FNDC3B: variants seen among roughly 807,000 people sequenced by gnomAD.
FNDC3B encodes the protein fibronectin type III domain-containing protein 3B.
Under a neutral mutation model 151.5 loss-of-function variants are expected in FNDC3B, and 12 were observed. The observed-to-expected ratio is 0.08, with a 90% confidence interval of 0.05 to 0.13. The LOEUF (loss-of-function observed/expected upper bound fraction) is 0.13. FNDC3B is among the 10% of genes least tolerant of loss of function. FNDC3B has a pLI of 1.00. For synonymous variants in FNDC3B, 528 were observed against 549.0 expected, an observed-to-expected ratio of 0.96 and a Z score of 0.54; for missense variants, 1,214 against 1,505.3, an observed-to-expected ratio of 0.81 and a Z score of 3.20.
intron 3 of FNDC3B, among the ~76,000 whole-genome samples, chr3:172,183,068 G>T (rs187421373): frequency 1.3e-5 from 2 of 152,290 alleles, no homozygotes; most frequent in East Asian, 1.9e-4. Context: ...GAAATAAGGA[G>T]CCCCTGGGCA....
intron 3 of FNDC3B, among the ~76,000 whole-genome samples, chr3:172,225,045 C>A (rs1726479526): frequency 6.6e-6 from 1 of 152,244 alleles, no homozygotes; most frequent in South Asian, 2.1e-4. Context: ...TAACTCAAAA[C>A]TATGTCTTGG....
intron 19 of FNDC3B, chr3:172,345,754 A>G (rs1365203812): frequency 1.3e-5 from 2 of 152,224 alleles, no homozygotes; most frequent in Admixed American, 6.5e-5. Context: ...GTCTCTAGCA[A>G]TTCCTGGCTC....
chr3:172,131,962 G>A (rs1721128213), intron 2 of FNDC3B, among the ~76,000 whole-genome samples: 1 of 152,184 alleles, frequency 6.6e-6, no homozygotes, highest in Non-Finnish European at 1.5e-5. Flanking sequence ...CATGGGGCTA[G>A]ATAGCTGGAT....
chr3:172,210,395 G>C (rs980223672), intron 3 of FNDC3B, among the ~76,000 whole-genome samples: 1 of 152,038 alleles, frequency 6.6e-6, no homozygotes, highest in African/African-American at 2.4e-5. Flanking sequence ...TTTCACTCAG[G>C]TTGGGGTGCA....
intron 3 of FNDC3B, among the ~76,000 whole-genome samples, chr3:172,179,772 A>ACTTGGGAT (rs1723787648): frequency 6.7e-6 from 1 of 149,846 alleles, no homozygotes; most frequent in African/African-American, 2.5e-5. Flanking sequence ...AGACTGAGCT[A>ACTTGGGAT]CTTGGGATGC....
intron 1 of FNDC3B, among the ~76,000 whole-genome samples, chr3:172,064,977 G>T (rs910101755): frequency 6.6e-6 from 1 of 152,266 alleles, no homozygotes; most frequent in Middle Eastern, 3.4e-3. Context: ...CTGTATATAT[G>T]TGACCCCATG....
At chr3:172,144,019 A>G (rs1012092344) in intron 3 of FNDC3B, among the ~76,000 whole-genome samples, 3 of 152,182 alleles carry the variant, frequency 2.0e-5, no homozygotes, top group Non-Finnish European at 2.9e-5. Flanking sequence ...GAGACTGTGT[A>G]GCTTATAAGG....
rs144702661 is a variant in FNDC3B at position 172,169,978 on chromosome 3, C to T, written c.187+36432C>T. On this transcript the variant is annotated intron_variant, in intron 3 of 25. Transcript: ENST00000415807. Reference sequence around the variant, plus strand: ...ATATCAATTTAAGCCACTGCAGCTGCGGTTTCTGTCCCGTCCTCTGCTGTT... The same window carrying T: ...ATATCAATTTAAGCCACTGCAGCTGTGGTTTCTGTCCCGTCCTCTGCTGTT... Among the ~76,000 whole-genome samples the T allele has an allele frequency of 2.4e-3, 368 of 152,288 alleles. 1 individual carries two copies. Among genetic ancestry groups the T allele is most frequent in the East Asian group, 0.023 (117 of 5,186 alleles).
At chr3:172,175,688 C>A (rs540185974) in intron 3 of FNDC3B, among the ~76,000 whole-genome samples, 10 of 152,316 alleles carry the variant, frequency 6.6e-5, no homozygotes, top group Admixed American at 4.6e-4. Context: ...AGAATTTACA[C>A]AGACAACCAC....
chr3:172,313,733 T>G (rs1731637827), intron 11 of FNDC3B, among the ~76,000 whole-genome samples: 1 of 152,246 alleles, frequency 6.6e-6, no homozygotes, highest in Non-Finnish European at 1.5e-5. Flanking sequence ...CTTTGTATTA[T>G]ACCCCTCTCA....
chr3:172,300,930 T>C (rs1267876709), intron 9 of FNDC3B, among the ~76,000 whole-genome samples: 1 of 152,244 alleles, frequency 6.6e-6, no homozygotes, highest in African/African-American at 2.4e-5. Context: ...TTGTCTTTTT[T>C]AGGCTAGAGA....
At chr3:172,166,133 T>G (rs1490212457) in intron 3 of FNDC3B, among the ~76,000 whole-genome samples, 1 of 152,218 alleles carries the variant, frequency 6.6e-6, no homozygotes, top group Non-Finnish European at 1.5e-5. Flanking sequence ...TTTGCAAATT[T>G]GCTTTACATT....
At chr3:172,160,435 T>C (rs1722710012) in intron 3 of FNDC3B, among the ~76,000 whole-genome samples, 1 of 152,242 alleles carries the variant, frequency 6.6e-6, no homozygotes, top group Non-Finnish European at 1.5e-5. Context: ...GTGGTTATGT[T>C]AACATCTTCT....
intron 1 of FNDC3B, among the ~76,000 whole-genome samples, chr3:172,073,237 T>C (rs1717864243): frequency 6.6e-6 from 1 of 152,188 alleles, no homozygotes; most frequent in Non-Finnish European, 1.5e-5. Context: ...GAACTCTGCT[T>C]TGAAAGGTTT....
chr3:172,329,509 G>T (rs1732526963), intron 12 of FNDC3B: 1 of 155,680 alleles, frequency 6.4e-6, no homozygotes, highest in Non-Finnish European at 1.4e-5. Flanking sequence ...GGCAGATACG[G>T]AATTGGAGAA....
intron 6 of FNDC3B, 81 bp downstream of exon 6, chr3:172,251,622 G>C: frequency 7.7e-7 from 1 of 1,305,690 alleles, no homozygotes; most frequent in Non-Finnish European, 1.0e-6. Context: ...TTTTACATGA[G>C]AATATTATTT....
intron 25 of FNDC3B, among the ~76,000 whole-genome samples, chr3:172,393,577 A>T (rs1466933173): frequency 6.6e-6 from 1 of 152,228 alleles, no homozygotes; most frequent in Non-Finnish European, 1.5e-5. Flanking sequence ...TCTCCAGGAT[A>T]GATCAAATGT....
intron 2 of FNDC3B, among the ~76,000 whole-genome samples, chr3:172,118,253 C>G (rs1030161359): frequency 6.6e-6 from 1 of 152,224 alleles, no homozygotes; most frequent in African/African-American, 2.4e-5. Flanking sequence ...AATCCAGTGA[C>G]CTTTTCTGTT....
intron 15 of FNDC3B, among the ~76,000 whole-genome samples, chr3:172,336,776 G>A (rs1007589541): frequency 1.5e-4 from 23 of 151,612 alleles, no homozygotes; most frequent in African/African-American, 7.3e-5. Flanking sequence ...AGTGGCGGGC[G>A]CCTGTAATCC....
Sources: allele counts gnomAD v4.1 joint callset (sites outside exome capture counted in the v4.1 genomes callset), GRCh38; gene constraint gnomAD v4.1.1; transcripts MANE v1.5; gene names NCBI Gene and HGNC (gene_info 2026-07-23, HGNC 2026-07-21).